The following NDUFAF6 variants were observed in gnomAD, a reference collection of about 807,000 sequenced individuals.
NDUFAF6 encodes NADH:ubiquinone oxidoreductase complex assembly factor 6, also known as NADH dehydrogenase (ubiquinone) complex I, assembly factor 6.
In NDUFAF6, 45 loss-of-function variants were observed where a neutral mutation model predicts 40.8. The ratio of observed to expected loss-of-function variants is 1.10; its 90% CI spans 0.87 to 1.42. The LOEUF (loss-of-function observed/expected upper bound fraction) is 1.42, where lower values mean the gene tolerates loss of function less well. NDUFAF6 is among the 40% of genes most tolerant of loss of function. NDUFAF6 has a pLI of 0.00. For synonymous variants in NDUFAF6, 185 were observed against 155.9 expected, an observed-to-expected ratio of 1.19 and a Z score of -1.39; for missense variants, 435 against 418.5, an observed-to-expected ratio of 1.04 and a Z score of -0.34.
intron 1 of NDUFAF6, 53 bp downstream of exon 1, chr8:95,025,258 G>T (rs922205036): frequency 1.4e-5 from 19 of 1,345,614 alleles, no homozygotes; most frequent in Non-Finnish European, 1.7e-5. Flanking sequence ...CCCGGGGTGG[G>T]AGCGGCTGCG....
At chr8:95,076,895 A>G (rs1266588626), downstream of NDUFAF6, among the ~76,000 whole-genome samples, 1 of 134,720 alleles carries the variant, frequency 7.4e-6, no homozygotes, top group Admixed American at 7.5e-5. Context: ...AAAAAAATTC[A>G]TAGCACCTGG....
At chr8:95,042,314 T>C (rs1469765349) in intron 4 of NDUFAF6, among the ~76,000 whole-genome samples, 2 of 152,208 alleles carry the variant, frequency 1.3e-5, no homozygotes, top group African/African-American at 4.8e-5. Context: ...ATTAATTACA[T>C]GCTGTTGTCA....
intron 1 of NDUFAF6, among the ~76,000 whole-genome samples, chr8:94,905,380 AGTGAGTCCTGTGAT>A (rs1401600050): frequency 1.3e-5 from 2 of 151,838 alleles, no homozygotes. Flanking sequence ...ACAGTTAGCA[AGTGAGTCCTGTGAT>A]GTGAGAGGGG....
chr8:95,062,149 C>T (rs982651807), downstream of NDUFAF6, among the ~76,000 whole-genome samples: 2 of 147,412 alleles, frequency 1.4e-5, no homozygotes, highest in East Asian at 2.0e-4. Flanking sequence ...CGACAGAGAC[C>T]GTGGCTCAAA....
chr8:95,024,460 G>A (rs1827844387), upstream of NDUFAF6, among the ~76,000 whole-genome samples: 1 of 152,234 alleles, frequency 6.6e-6, no homozygotes, highest in Non-Finnish European at 1.5e-5. Context: ...TCTGCTGGAG[G>A]TGTTAGGTGG....
At chr8:95,009,718 G>A (rs1827152406) in intron 2 of NDUFAF6, among the ~76,000 whole-genome samples, 2 of 152,114 alleles carry the variant, frequency 1.3e-5, no homozygotes. Flanking sequence ...TTGTAAAGGA[G>A]GAAAAGCCAA....
rs545288994 is a variant in NDUFAF6, at chr8:94,930,569, G to A, written c.-935-14914G>A. 428 of 1,614,188 alleles carry A rather than the reference G, an allele frequency of 2.7e-4. 2 individuals are homozygous for A. In the South Asian group the frequency reaches 4.5e-3, roughly 17 times the overall value. Reference sequence around the variant, plus strand: ...GGTGGCAATCCCTGGTAAGATTTTGGCGACGAAGGCTATTTCTGTTAAGAG... The same window carrying A: ...GGTGGCAATCCCTGGTAAGATTTTGACGACGAAGGCTATTTCTGTTAAGAG... On this transcript the variant is annotated intron_variant, in intron 1 of 14. Transcript: ENST00000396113.
chr8:95,031,631 G>T (rs1828853078), intron 1 of NDUFAF6, among the ~76,000 whole-genome samples: 1 of 152,054 alleles, frequency 6.6e-6, no homozygotes, highest in African/African-American at 2.4e-5. Context: ...ATAGAGTCTT[G>T]CTCTGTCACC....
chr8:95,114,652 C>T (rs1304979756), intron 4 of NDUFAF6, among the ~76,000 whole-genome samples: 1 of 152,158 alleles, frequency 6.6e-6, no homozygotes, highest in East Asian at 1.9e-4. Flanking sequence ...ATATTTTCTA[C>T]CACTGTTCTA....
intron 1 of NDUFAF6, among the ~76,000 whole-genome samples, chr8:94,916,656 A>C (rs1290350496): frequency 4.6e-5 from 7 of 151,968 alleles, no homozygotes. Flanking sequence ...TCTACTAAAA[A>C]TACAAAAATC....
intron 1 of NDUFAF6, among the ~76,000 whole-genome samples, chr8:94,924,109 G>A (rs1054342740): frequency 2.6e-5 from 4 of 152,136 alleles, no homozygotes; most frequent in Admixed American, 6.5e-5. Flanking sequence ...CGCCCAGGCT[G>A]GAGTGCAGTG....
At chr8:94,956,559 G>T (rs1823091560), upstream of NDUFAF6, among the ~76,000 whole-genome samples, 7 of 152,164 alleles carry the variant, frequency 4.6e-5, no homozygotes, top group South Asian at 1.4e-3. Context: ...AGAATGAAAA[G>T]TCTAGATTTC....
chr8:94,909,384 ACT>A (rs1818609556), intron 1 of NDUFAF6, among the ~76,000 whole-genome samples: 1 of 53,918 alleles, frequency 1.9e-5, no homozygotes, highest in African/African-American at 5.9e-5. Context: ...AAAAAAAAAC[ACT>A]TCGGGAGGCC....
intron 1 of NDUFAF6, among the ~76,000 whole-genome samples, chr8:94,911,656 CT>C (rs1818788215): frequency 6.6e-6 from 1 of 152,186 alleles, no homozygotes. Context: ...GGTTATTTAC[CT>C]GGTACCTCAG....
At chr8:94,918,090 A>T (rs1819257477) in intron 1 of NDUFAF6, among the ~76,000 whole-genome samples, 1 of 152,028 alleles carries the variant, frequency 6.6e-6, no homozygotes, top group African/African-American at 2.4e-5. Context: ...AATATTTGTA[A>T]TTTTTTTTCC....
At chr8:95,006,370 AAAAAAAG>A (rs1397062128) in intron 2 of NDUFAF6, among the ~76,000 whole-genome samples, 11 of 151,124 alleles carry the variant, frequency 7.3e-5, no homozygotes, top group East Asian at 1.9e-4. Flanking sequence ...AAAAAAAAAA[AAAAAAAG>A]AAAGAAAAGA....
intron 1 of NDUFAF6, among the ~76,000 whole-genome samples, chr8:94,979,693 G>A (rs1026088078): frequency 2.6e-5 from 4 of 152,142 alleles, no homozygotes; most frequent in African/African-American, 9.7e-5. Flanking sequence ...TAATAACCTT[G>A]AAAATGTTTA....
chr8:95,098,744 T>C (rs1809554191), upstream of NDUFAF6, among the ~76,000 whole-genome samples: 2 of 152,002 alleles, frequency 1.3e-5, no homozygotes, highest in Admixed American at 1.3e-4. Context: ...TAATTCAAAG[T>C]AGATCATATT....
intron 2 of NDUFAF6, among the ~76,000 whole-genome samples, chr8:95,086,768 AT>A (rs918109154): frequency 6.6e-5 from 10 of 151,310 alleles, no homozygotes; most frequent in African/African-American, 2.4e-4. Flanking sequence ...CGCCCGGCTA[AT>A]TTTTTTTGTA....
Sources: allele counts gnomAD v4.1 joint callset (sites outside exome capture counted in the v4.1 genomes callset), GRCh38; gene constraint gnomAD v4.1.1; transcripts MANE v1.5; gene names NCBI Gene and HGNC (gene_info 2026-07-23, HGNC 2026-07-21).